ERICH3: variants seen among roughly 807,000 people sequenced by gnomAD.
ERICH3 encodes the protein glutamate-rich protein 3.
In ERICH3, 126 loss-of-function variants were observed where a neutral mutation model predicts 131.1. The ratio of observed to expected loss-of-function variants is 0.96; its 90% CI spans 0.83 to 1.11. The LOEUF (loss-of-function observed/expected upper bound fraction) is 1.11. Ranked by LOEUF, ERICH3 falls within the 50% of genes most tolerant of loss-of-function variation. ERICH3 has a pLI of 0.00. For missense variants in ERICH3, 2,050 were observed against 1,810.7 expected (o/e 1.13, Z -2.40); for synonymous variants, 695 against 644.6 (o/e 1.08, Z -1.18).
intron 12 of ERICH3, among the ~76,000 whole-genome samples, chr1:74,584,540 A>G (rs1274164965): frequency 6.6e-6 from 1 of 152,160 alleles, no homozygotes; most frequent in African/African-American, 2.4e-5. Context: ...TGCAGATGAC[A>G]GAGTGGCCTC....
chr1:74,668,300 A>G (rs907849384), intron 1 of ERICH3, among the ~76,000 whole-genome samples: 1 of 152,186 alleles, frequency 6.6e-6, no homozygotes, highest in Non-Finnish European at 1.5e-5. Flanking sequence ...TGAATTTTCC[A>G]GCAGAAGGAC....
At position 74,568,239 on chromosome 1, in the gene ERICH3, TCA is replaced by T. The variant is rs769099906; in HGVS notation, c.*2217_*2218del. 1 of 152,178 alleles carries T rather than the reference TCA, an allele frequency of 6.6e-6. No homozygotes were observed. Among genetic ancestry groups the T allele is most frequent in the Non-Finnish European group, 1.5e-5 (1 of 68,008 alleles). 9.4% of individuals were successfully genotyped at this position (152,178 alleles called of 1,614,324 possible). On this transcript the variant is annotated 3_prime_UTR_variant, in exon 15 of 15. Transcript: ENST00000326665. ...AGAAAGAATTCACTTATTCAAAATA[TCA>T]CAATACTGAATTTCACAGTTAAATT...
rs1255829527 is a variant in ERICH3 at position 74,573,402 on chromosome 1, C to G, written c.2308G>C (p.Glu770Gln). 1 of 1,600,810 alleles carries G rather than the reference C, an allele frequency of 6.2e-7. No individual in the cohort carries two copies. The highest frequency in any genetic ancestry group is 8.5e-7 in the Non-Finnish European group (1 of 1,175,458). Residue 770 changes from glutamate to glutamine, a missense_variant, in exon 14 of 15, where the codon GAG becomes CAG. Physicochemically the swap from Glu to Gln is conservative, Grantham distance 29. Transcript: ENST00000326665. The part of the protein sequence containing the change: ...QQLVQKTYTL[E>Q]KKEAMEEDEA... ...TCTTCCTCCATTGCTTCTTTCTTCT[C>G]CAGTGTATACGTTTTTTGCACCAAT...
chr1:74,664,176 A>G (rs1318146491), intron 1 of ERICH3, among the ~76,000 whole-genome samples: 2 of 152,120 alleles, frequency 1.3e-5, no homozygotes, highest in Admixed American at 1.3e-4. Flanking sequence ...TGAACAATAA[A>G]TAGGAATATA....
At chr1:74,607,718 T>C (rs979925928) in intron 9 of ERICH3, among the ~76,000 whole-genome samples, 1 of 152,004 alleles carries the variant, frequency 6.6e-6, no homozygotes, top group African/African-American at 2.4e-5. Context: ...TCTGAATGCA[T>C]TATGACATTA....
intron 5 of ERICH3, among the ~76,000 whole-genome samples, chr1:74,636,844 T>C (rs2100629605): frequency 6.6e-6 from 1 of 152,298 alleles, no homozygotes; most frequent in South Asian, 2.1e-4. Flanking sequence ...CTCATTTCTG[T>C]CTAAATGTCT....
In ERICH3 at chr1:74,614,189, T is replaced by C. The variant is rs76116043; in HGVS notation, c.1001-1380A>G. On this transcript the variant is annotated intron_variant, in intron 8 of 14. Transcript: ENST00000326665. ...AGGGACTGCCTTCTAAGAACTCTAA[T>C]CTAGACATTAGCTGCTTTACATGTT... 2.6e-3 allele frequency among the ~76,000 whole-genome samples: 400 copies of C among 152,222 alleles called. 5 individuals are homozygous for C. The highest frequency in any genetic ancestry group is 9.4e-3 in the African/African-American group (392 of 41,540).
Position 74,576,942 on chromosome 1 carries a change from T to C in ERICH3, c.2177-6A>G. The C allele has an allele frequency of 7.3e-7, 1 of 1,375,748 alleles. No individual in the cohort carries two copies. The highest frequency in any genetic ancestry group is 9.9e-7 in the Non-Finnish European group (1 of 1,009,982). 85.2% of individuals were successfully genotyped at this position (1,375,748 alleles called of 1,614,324 possible). A position where few individuals can be genotyped will look rare whatever the true frequency, so the allele number is the denominator to read the frequency against. ...TAATGGCAATGAATCCTTTCCTAGT[T>C]AAAAAAAAAAAAAAGAAAAAAAAGG... is the stretch of plus-strand genomic sequence containing the variant. On this transcript the variant is annotated splice_region_variant and splice_polypyrimidine_tract_variant and intron_variant, in intron 12 of 14. Transcript: ENST00000326665.
At chr1:74,663,916 G>T (rs1248743679) in intron 1 of ERICH3, among the ~76,000 whole-genome samples, 1 of 152,036 alleles carries the variant, frequency 6.6e-6, no homozygotes, top group African/African-American at 2.4e-5. Flanking sequence ...GAGACATATG[G>T]TAGGAATTAT....
At chr1:74,631,956 C>A (rs1353283613) in intron 6 of ERICH3, 28 bp from the exon 7 acceptor site, 3 of 1,583,024 alleles carry the variant, frequency 1.9e-6, no homozygotes, top group Non-Finnish European at 2.6e-6. Context: ...CGCATAAGAA[C>A]CAGTGAAACA....
chr1:74,639,058 T>C (rs1646415968), intron 5 of ERICH3, among the ~76,000 whole-genome samples: 1 of 152,046 alleles, frequency 6.6e-6, no homozygotes. Flanking sequence ...CAGGATTTGG[T>C]TTAAAGAAAC....
intron 2 of ERICH3, 31 bp downstream of exon 2, chr1:74,649,188 CAAG>C (rs768870290): frequency 7.6e-5 from 110 of 1,455,248 alleles, no homozygotes; most frequent in Non-Finnish European, 1.0e-4. Flanking sequence ...CTTAATGAAA[CAAG>C]AAGGTCAGTG....
rs1646968084 is a variant in ERICH3 at position 74,572,354 on chromosome 1, G to C, written c.3356C>G (p.Pro1119Arg). Reference protein sequence around the residue: ...VRAEEETKAPPNEMGSDAENE... With the variant: ...VRAEEETKAPRNEMGSDAENE... The stretch of plus-strand genomic sequence containing the variant: ...CTCAGCATCAGATCCCATTTCATTT[G>C]GGGGAGCTTTTGTCTCTTCCTCAGC... Residue 1119 changes from proline to arginine, a missense_variant, in exon 14 of 15, where the codon CCA becomes CGA. Pro to Arg is a moderately radical substitution (Grantham distance 103, BLOSUM62 -2). Transcript: ENST00000326665. The C allele has an allele frequency of 1.9e-6, 3 of 1,613,496 alleles. No homozygotes were observed. Among genetic ancestry groups the C allele is most frequent in the East Asian group, 2.2e-5 (1 of 44,864 alleles).
chr1:74,643,151 C>T (rs1224686677), intron 3 of ERICH3, 53 bp from the exon 4 acceptor site: 33 of 1,391,718 alleles, frequency 2.4e-5, no homozygotes, highest in Non-Finnish European at 3.3e-5. Flanking sequence ...ATAGCAAAGA[C>T]CAGTTTAGAG....
intron 1 of ERICH3, among the ~76,000 whole-genome samples, chr1:74,655,408 G>GTTA (rs1249760375): frequency 6.6e-6 from 1 of 152,140 alleles, no homozygotes; most frequent in Non-Finnish European, 1.5e-5. Context: ...GGAGAATCCA[G>GTTA]TTATTTTTCC....
At chr1:74,593,811 C>A (rs970037448) in intron 11 of ERICH3, among the ~76,000 whole-genome samples, 3 of 152,062 alleles carry the variant, frequency 2.0e-5, no homozygotes, top group African/African-American at 7.2e-5. Context: ...TGTCCATTAC[C>A]TAGTAAGTAG....
intron 7 of ERICH3, among the ~76,000 whole-genome samples, chr1:74,628,292 G>T (rs1649482225): frequency 6.6e-6 from 1 of 152,140 alleles, no homozygotes; most frequent in Non-Finnish European, 1.5e-5. Flanking sequence ...TTCACTTGGA[G>T]AAACACTCCA....
intron 8 of ERICH3, among the ~76,000 whole-genome samples, chr1:74,613,261 A>C (rs767008850): frequency 2.0e-5 from 3 of 152,226 alleles, no homozygotes; most frequent in Non-Finnish European, 4.4e-5. Flanking sequence ...AATAATACCT[A>C]AGGTTACATG....
At chr1:74,629,108 TA>T (rs1228690209) in intron 7 of ERICH3, among the ~76,000 whole-genome samples, 1 of 152,052 alleles carries the variant, frequency 6.6e-6, no homozygotes, top group Non-Finnish European at 1.5e-5. Context: ...ACGACGGAGT[TA>T]AAATCATACA....
Sources: allele counts gnomAD v4.1 joint callset (sites outside exome capture counted in the v4.1 genomes callset), GRCh38; gene constraint gnomAD v4.1.1; transcripts MANE v1.5; gene names NCBI Gene and HGNC (gene_info 2026-07-23, HGNC 2026-07-21).